GPSM1: variants seen among roughly 807,000 people sequenced by gnomAD.
GPSM1 encodes the protein G protein-signaling modulator 1.
A neutral mutation model predicts 70.5 loss-of-function variants in GPSM1; 48 were observed. The ratio of observed to expected loss-of-function variants is 0.68; its 90% CI spans 0.54 to 0.87. The LOEUF is 0.87. GPSM1 is among the 40% of genes least tolerant of loss of function. The probability of loss-of-function intolerance (pLI) is 0.00; values close to 1 mark genes in which losing one functional copy is unlikely to be tolerated. For synonymous variants in GPSM1, 416 were observed against 430.1 expected, an observed-to-expected ratio of 0.97 and a Z score of 0.41; for missense variants, 981 against 972.6, an observed-to-expected ratio of 1.01 and a Z score of -0.11.
intron 2 of GPSM1, 53 bp from the exon 3 acceptor site, chr9:136,335,913 C>A (rs1251173584): frequency 5.1e-6 from 8 of 1,583,188 alleles, no homozygotes; most frequent in Non-Finnish European, 6.0e-6. Context: ...CCCCCCGGGC[C>A]CAGAGGCCTG....
chr9:136,344,389 C>G (rs1337298126), intron 9 of GPSM1, among the ~76,000 whole-genome samples: 1 of 152,214 alleles, frequency 6.6e-6, no homozygotes, highest in Non-Finnish European at 1.5e-5. Context: ...CCTCACGGCT[C>G]TGGAGGCCAG....
chr9:136,358,571 C>T lies in GPSM1; in HGVS notation c.*351C>T. Reference sequence around the variant, plus strand: ...TGCCAAATGTGAAACCCTGCTGTCTCCCCCACCCTCCCCAAAGGTGTCTCT... The same window carrying T: ...TGCCAAATGTGAAACCCTGCTGTCTTCCCCACCCTCCCCAAAGGTGTCTCT... On this transcript the variant is annotated 3_prime_UTR_variant, in exon 14 of 14. Transcript: ENST00000440944. The T allele has an allele frequency of 2.4e-6, 1 of 411,020 alleles. No homozygotes were observed. The highest frequency in any genetic ancestry group is 5.3e-5 in the East Asian group (1 of 18,834). The allele number at this position is 411,020 out of a possible 1,614,324, so 25.5% of individuals were successfully genotyped here.
chr9:136,353,568 G>A (rs1291616749), intron 11 of GPSM1, among the ~76,000 whole-genome samples: 2 of 152,220 alleles, frequency 1.3e-5, no homozygotes, highest in African/African-American at 4.8e-5. Context: ...CCCCATGTGA[G>A]GGAGGCATCA....
Position 136,349,704 on chromosome 9 carries a change from C to G in GPSM1, c.1396C>G (p.Arg466Gly), listed in dbSNP as rs781823323. The change falls in exon 11 of 14, where the codon CGG becomes GGG. Residue 466 changes from arginine (R) to glycine (G), a missense_variant. Transcript: ENST00000440944. ...QEGPDAERRP[R>G]EGSHSPLDSA... is the part of the protein sequence containing the mutation. The stretch of plus-strand genomic sequence containing the variant: ...AGGCCCGGACGCTGAGAGGAGGCCC[C>G]GGGAGGGCAGCCACTCCCCGCTGGA... 1 of 1,568,262 alleles carries G rather than the reference C, an allele frequency of 6.4e-7. No individual in the cohort carries two copies. The highest frequency in any genetic ancestry group is 1.8e-4 in the Middle Eastern group (1 of 5,662).
At position 136,327,770 on chromosome 9, in the gene GPSM1, CGGGCCGGGGCCGGGGCCG is replaced by C. The variant is rs781974636; in HGVS notation, c.68+18_68+35del. On this transcript the variant is annotated splice_region_variant and intron_variant, in intron 1 of 13. Coordinates refer to ENST00000440944, the MANE Select transcript of GPSM1 (RefSeq NM_001145638.3). ...CCAGGCGCCTCTACTCCAGGTAGGACGGGCCGGGGCCGGGGCCGGGGCCGGGGCTGGGACCGGACCGGG... is the reference window on the plus strand; with the variant it reads ...CCAGGCGCCTCTACTCCAGGTAGGACGGGCCGGGGCTGGGACCGGACCGGG... 10 of 1,095,632 alleles carry C rather than the reference CGGGCCGGGGCCGGGGCCG, an allele frequency of 9.1e-6. No homozygotes were observed. Among genetic ancestry groups the C allele is most frequent in the East Asian group, 3.8e-5 (1 of 26,478 alleles). The allele number at this position is 1,095,632 out of a possible 1,614,324, so 67.9% of individuals were successfully genotyped here. A position where few individuals can be genotyped will look rare whatever the true frequency, so the allele number is the denominator to read the frequency against.
chr9:136,346,199 G>GAGGCC (rs1321655107), intron 9 of GPSM1, among the ~76,000 whole-genome samples: 1 of 152,178 alleles, frequency 6.6e-6, no homozygotes, highest in Non-Finnish European at 1.5e-5. Flanking sequence ...TCGGAGCCCA[G>GAGGCC]AGGCCAGGCC....
At chr9:136,356,209 C>T in intron 12 of GPSM1, 133 bp from the exon 13 acceptor site, 2 of 737,128 alleles carry the variant, frequency 2.7e-6, no homozygotes, top group Non-Finnish European at 4.3e-6. Context: ...GCGGAGACTC[C>T]CCCAGGAGCC....
chr9:136,347,135 C>T (rs1832541893), intron 9 of GPSM1, among the ~76,000 whole-genome samples: 2 of 152,152 alleles, frequency 1.3e-5, no homozygotes, highest in South Asian at 4.1e-4. Context: ...GGAGCTGAGC[C>T]TCTCGGGGGG....
chr9:136,349,928 G>A (rs1304303224), intron 11 of GPSM1, among the ~76,000 whole-genome samples, 165 bp downstream of exon 11: 5 of 152,206 alleles, frequency 3.3e-5, no homozygotes, highest in African/African-American at 1.2e-4. Flanking sequence ...GACCCCGGTG[G>A]GGGCTCTGGG....
At position 136,327,689 on chromosome 9, in the gene GPSM1, C is replaced by A; in HGVS notation, c.-7C>A. On this transcript the variant is annotated 5_prime_UTR_variant, in exon 1 of 14. Coordinates refer to ENST00000440944, the MANE Select transcript of GPSM1 (RefSeq NM_001145638.3). ...GCTCCCGGCTCCCGCTCCCGCGTCC[C>A]CGACCCATGGCGGGCCCGGCCCCGC... The A allele has an allele frequency of 9.0e-7, 1 of 1,115,750 alleles. No individual in the cohort carries two copies. The highest frequency in any genetic ancestry group is 1.1e-6 in the Non-Finnish European group (1 of 912,256). The allele number at this position is 1,115,750 out of a possible 1,614,324, so 69.1% of individuals were successfully genotyped here. A position where few individuals can be genotyped will look rare whatever the true frequency, so the allele number is the denominator to read the frequency against.
intron 3 of GPSM1, 62 bp from the exon 4 acceptor site, chr9:136,336,859 G>A (rs1239039249): frequency 1.8e-5 from 27 of 1,482,324 alleles, no homozygotes; most frequent in Middle Eastern, 1.7e-4. Flanking sequence ...CCGGTGTGCC[G>A]GCTCTGCACA....
intron 1 of GPSM1, among the ~76,000 whole-genome samples, chr9:136,328,825 C>T (rs1245648322): frequency 2.6e-5 from 4 of 152,184 alleles, no homozygotes; most frequent in African/African-American, 9.6e-5. Flanking sequence ...GGTGATTTTG[C>T]TGGCAGCTGC....
chr9:136,347,952 T>C (rs1019503573), intron 9 of GPSM1, among the ~76,000 whole-genome samples: 4 of 152,208 alleles, frequency 2.6e-5, no homozygotes, highest in African/African-American at 7.2e-5. Context: ...GTGTTGGGAC[T>C]GAGGCTTGAA....
intron 2 of GPSM1, among the ~76,000 whole-genome samples, chr9:136,335,179 A>G (rs1270579224): frequency 6.6e-5 from 10 of 151,958 alleles, no homozygotes; most frequent in Non-Finnish European, 1.3e-4. Flanking sequence ...CCCTGGCCCC[A>G]GGCCCCAGGC....
At chr9:136,328,257 T>C (rs1832025069) in intron 1 of GPSM1, among the ~76,000 whole-genome samples, 1 of 152,240 alleles carries the variant, frequency 6.6e-6, no homozygotes, top group Admixed American at 6.5e-5. Context: ...GGCACATTCC[T>C]GGGTGATCCC....
intron 10 of GPSM1, 47 bp from the exon 11 acceptor site, chr9:136,349,540 A>G: frequency 2.0e-6 from 3 of 1,510,736 alleles, no homozygotes; most frequent in African/African-American, 1.4e-5. Context: ...GGATGGGGAC[A>G]TTGGTTCACA....
intron 11 of GPSM1, among the ~76,000 whole-genome samples, chr9:136,350,770 G>A (rs963361248): frequency 2.0e-5 from 3 of 152,260 alleles, no homozygotes; most frequent in Admixed American, 6.5e-5. Context: ...CGGGTCCTCA[G>A]GGCTAGCCAG....
chr9:136,339,995 T>C (rs1339042626), intron 8 of GPSM1, among the ~76,000 whole-genome samples, 180 bp downstream of exon 8: 2 of 136,244 alleles, frequency 1.5e-5, no homozygotes, highest in Admixed American at 1.5e-4. Flanking sequence ...CCCGGGGGTT[T>C]TTCCTGCAGC....
chr9:136,327,969 G>C (rs548191897), intron 1 of GPSM1, among the ~76,000 whole-genome samples: 2,927 of 151,838 alleles, frequency 0.019, 95 homozygotes, highest in African/African-American at 0.066. Context: ...CCAAGCCAAG[G>C]GGAAGGGGGT....
Sources: allele counts gnomAD v4.1 joint callset (sites outside exome capture counted in the v4.1 genomes callset), GRCh38; gene constraint gnomAD v4.1.1; transcripts MANE v1.5; gene names NCBI Gene and HGNC (gene_info 2026-07-23, HGNC 2026-07-21).